FPGT: variants seen among roughly 807,000 people sequenced by gnomAD.
FPGT encodes GDP-L-fucose diphosphorylase.
FPGT carries 41 observed loss-of-function variants against 45.8 expected under a neutral mutation model. That is an observed-to-expected ratio of 0.90 (90% CI 0.70 to 1.16). The LOEUF (loss-of-function observed/expected upper bound fraction) is 1.16, where lower values mean the gene tolerates loss of function less well. Ranked by LOEUF, FPGT falls within the 50% of genes most tolerant of loss-of-function variation. The pLI is 0.00. For missense variants in FPGT, 755 were observed against 689.1 expected (o/e 1.10, Z -1.07); for synonymous variants, 292 against 247.2 (o/e 1.18, Z -1.70).
chr1:74,201,210 C>A (rs1651758908), intron 2 of FPGT, 108 bp from the exon 3 acceptor site: 3 of 800,902 alleles, frequency 3.7e-6, no homozygotes, highest in Non-Finnish European at 6.0e-6. Flanking sequence ...TTTACTTATT[C>A]CTGAAAGGCA....
rs927661458 is a variant in FPGT at position 74,206,677 on chromosome 1, T to G, written c.*845T>G. On this transcript the variant is annotated 3_prime_UTR_variant, in exon 4 of 4. Coordinates refer to ENST00000370898, the MANE Select transcript of FPGT (RefSeq NM_003838.5). The stretch of plus-strand genomic sequence containing the variant: ...AACTGACTTTAGTTTTCATCTTATT[T>G]TTTGTCCACATGCTGGTGATGCTGA... The G allele has an allele frequency of 6.6e-6, 1 of 152,074 alleles. No individual in the cohort carries two copies. The allele number at this position is 152,074 out of a possible 1,614,324, so 9.4% of individuals were successfully genotyped here.
chr1:74,203,680 C>T (rs1277301081), intron 3 of FPGT, among the ~76,000 whole-genome samples: 4 of 151,862 alleles, frequency 2.6e-5, no homozygotes, highest in Non-Finnish European at 4.4e-5. Flanking sequence ...CTTGAGCCAC[C>T]GCGCCTGGCC....
chr1:74,201,783 G>A (rs1234635855), intron 3 of FPGT, among the ~76,000 whole-genome samples: 1 of 152,102 alleles, frequency 6.6e-6, no homozygotes, highest in Non-Finnish European at 1.5e-5. Context: ...AAGTTCCAGG[G>A]TCCATGTGCA....
chr1:74,205,157 C>T lies in FPGT; in HGVS notation c.1110C>T (p.Thr370=), dbSNP rs370431745. The T allele has an allele frequency of 3.7e-5, 59 of 1,613,030 alleles. No homozygotes were observed. The highest frequency in any genetic ancestry group is 4.9e-5 in the Non-Finnish European group (58 of 1,179,236). ...GTTEEYLFYF[T]SDNSLKSELG... ...CCGAAGAATATTTGTTTTACTTTAC[C>T]TCAGATAACAGTTTAAAGTCAGAGC... The change falls in exon 4 of 4, where the codon ACC becomes ACT. Residue 370 remains threonine (T), a synonymous_variant. Coordinates refer to ENST00000370898, the MANE Select transcript of FPGT (RefSeq NM_003838.5).
At chr1:74,201,896 C>G (rs569058346) in intron 3 of FPGT, among the ~76,000 whole-genome samples, 1 of 152,270 alleles carries the variant, frequency 6.6e-6, no homozygotes, top group East Asian at 1.9e-4. Flanking sequence ...TCCTAACACT[C>G]TTTCTCCCTT....
In FPGT at chr1:74,199,939, C is replaced by T. The variant is rs1230121126; in HGVS notation, c.250+108C>T. ...ATAAGCTGCATATCTCTACCCACAG[C>T]TTTACAAACTTTAAAATTTGAACAT... On this transcript the variant is annotated intron_variant, in intron 2 of 3. Transcript: ENST00000370898. The T allele has an allele frequency of 3.4e-6, 4 of 1,192,536 alleles. No homozygotes were observed. The Admixed American group carries it at 8.6e-5, about 25-fold the overall frequency. 73.9% of individuals were successfully genotyped at this position (1,192,536 alleles called of 1,614,324 possible).
In FPGT at chr1:74,205,516, T is replaced by A. The variant is rs1411168964; in HGVS notation, c.1469T>A (p.Leu490His). 1.2e-6 allele frequency: 2 copies of A among 1,612,834 alleles called. No individual in the cohort carries two copies. Among genetic ancestry groups the A allele is most frequent in the African/African-American group, 1.3e-5 (1 of 74,918 alleles). The change falls in exon 4 of 4, where the codon CTT (leucine) becomes CAT (histidine). Residue 490 changes from leucine (L) to histidine (H), a missense_variant. Physicochemically the swap from Leu to His is moderately conservative, Grantham distance 99. Transcript: ENST00000370898. ...AAAACATTGTCAGATATAAAGTTAC[T>A]TCAATTCTTTGGAGTCTGTTTCCTG... ...SVKTLSDIKLLQFFGVCFLSC... is the reference protein window; with the variant it reads ...SVKTLSDIKLHQFFGVCFLSC...
At chr1:74,201,197 C>A in intron 2 of FPGT, 121 bp from the exon 3 acceptor site, 1 of 678,174 alleles carries the variant, frequency 1.5e-6, no homozygotes, top group Non-Finnish European at 2.5e-6. Flanking sequence ...TGATGTCCAT[C>A]TATTTACTTA....
At chr1:74,201,613 G>A (rs530499862) in intron 3 of FPGT, among the ~76,000 whole-genome samples, 7 of 152,106 alleles carry the variant, frequency 4.6e-5, no homozygotes, top group South Asian at 4.2e-4. Flanking sequence ...AATTTTACTC[G>A]TAAAATTGTA....
Position 74,198,328 on chromosome 1 carries a change from A to G in FPGT, c.50A>G (p.Gln17Arg), listed in dbSNP as rs1377563459. The stretch of plus-strand genomic sequence containing the variant: ...GAAGTATCGCTGCGAGAAGCCACCC[A>G]GCGAAAATTGCGGAGGTTTTCCGAG... ...PPEVSLREAT[Q>R]RKLRRFSELR... is the part of the protein sequence containing the mutation. Residue 17 changes from glutamine to arginine, a missense_variant, in exon 1 of 4, where the codon CAG becomes CGG. Gln to Arg is a conservative substitution (Grantham distance 43). Transcript: ENST00000370898. The G allele has an allele frequency of 6.2e-7, 1 of 1,614,068 alleles. No individual in the cohort carries two copies. The highest frequency in any genetic ancestry group is 8.5e-7 in the Non-Finnish European group (1 of 1,180,042).
Position 74,204,801 on chromosome 1 carries a change from G to T in FPGT, c.754G>T (p.Asp252Tyr). Reference sequence around the variant, plus strand: ...TAGACCTGGAAATTTTTGTCAACAGGACTTTGCTGGGGGTGACATTGCCGA... The same window carrying T: ...TAGACCTGGAAATTTTTGTCAACAGTACTTTGCTGGGGGTGACATTGCCGA... ...VCRPGNFCQQ[D>Y]FAGGDIADLK... The change falls in exon 4 of 4, where the codon GAC becomes TAC. Residue 252 changes from aspartate (D) to tyrosine (Y), a missense_variant. Transcript: ENST00000370898. The T allele has an allele frequency of 6.2e-7, 1 of 1,613,606 alleles. No individual in the cohort carries two copies. Among genetic ancestry groups the T allele is most frequent in the African/African-American group, 1.3e-5 (1 of 74,974 alleles).
chr1:74,207,700 C>T lies in FPGT; in HGVS notation c.*1868C>T, dbSNP rs1474093044. ...ATATGAAAATTAATTGTTTGGTAAACCAGAAGTGACCTGTCTGAAGCCCTC... is the reference window on the plus strand; with the variant it reads ...ATATGAAAATTAATTGTTTGGTAAATCAGAAGTGACCTGTCTGAAGCCCTC... On this transcript the variant is annotated 3_prime_UTR_variant, in exon 4 of 4. Transcript: ENST00000370898. Among the ~76,000 whole-genome samples the T allele has an allele frequency of 6.6e-6, 1 of 151,934 alleles. No individual in the cohort carries two copies. The highest frequency in any genetic ancestry group is 1.5e-5 in the Non-Finnish European group (1 of 67,914).
rs779763394 is a variant in FPGT, at chr1:74,204,651, A to G, written c.604A>G (p.Thr202Ala). Residue 202 changes from threonine to alanine, a missense_variant, in exon 4 of 4, where the codon ACA becomes GCA. Coordinates refer to ENST00000370898, the MANE Select transcript of FPGT (RefSeq NM_003838.5). ...TCCTTCTAGTTTGACGATAGGTACC[A>G]CACATGGAGTATTTGTCTTAGATCC... ...AHPSSLTIGTTHGVFVLDPFD... is the reference protein window; with the variant it reads ...AHPSSLTIGTAHGVFVLDPFD... 15 of 1,613,660 alleles carry G rather than the reference A, an allele frequency of 9.3e-6. No individual in the cohort carries two copies. The East Asian group carries it at 3.3e-4, about 36-fold the overall frequency.
In FPGT at chr1:74,199,968, T is replaced by G. The variant is rs936869212; in HGVS notation, c.250+137T>G. ...ACAAACTTTAAAATTTGAACATAAATTGACTTTTTTTAGAAAGATAAAAGG... is the reference window on the plus strand; with the variant it reads ...ACAAACTTTAAAATTTGAACATAAAGTGACTTTTTTTAGAAAGATAAAAGG... On this transcript the variant is annotated intron_variant, in intron 2 of 3. Transcript: ENST00000370898. 3.8e-6 allele frequency: 4 copies of G among 1,045,612 alleles called. No individual in the cohort carries two copies. The African/African-American group carries it at 6.5e-5, about 17-fold the overall frequency. 64.8% of individuals were successfully genotyped at this position (1,045,612 alleles called of 1,614,324 possible). A position where few individuals can be genotyped will look rare whatever the true frequency, so the allele number is the denominator to read the frequency against.
chr1:74,199,219 G>A (rs1651530350), intron 1 of FPGT, among the ~76,000 whole-genome samples: 1 of 152,092 alleles, frequency 6.6e-6, no homozygotes, highest in African/African-American at 2.4e-5. Flanking sequence ...TGAGGGAAGG[G>A]ATCTTTGGGT....
At chr1:74,200,393 G>A (rs1314485859) in intron 2 of FPGT, among the ~76,000 whole-genome samples, 1 of 151,778 alleles carries the variant, frequency 6.6e-6, no homozygotes, top group Admixed American at 6.6e-5. Flanking sequence ...CCTGATACCA[G>A]AGATAAGATA....
At chr1:74,198,839 A>T (rs1271843765) in intron 1 of FPGT, among the ~76,000 whole-genome samples, 1 of 152,188 alleles carries the variant, frequency 6.6e-6, no homozygotes, top group Admixed American at 6.5e-5. Flanking sequence ...GAAATTTGTT[A>T]TCAAAAAATT....
chr1:74,201,643 C>A (rs1439196378), intron 3 of FPGT, among the ~76,000 whole-genome samples: 5 of 151,880 alleles, frequency 3.3e-5, no homozygotes, highest in African/African-American at 4.8e-5. Context: ...TATCGTCAGT[C>A]TTTTATGAAT....
Position 74,204,379 on chromosome 1 carries a change from T to G in FPGT, c.344-12T>G. 1 of 1,523,812 alleles carries G rather than the reference T, an allele frequency of 6.6e-7. No homozygotes were observed. Among genetic ancestry groups the G allele is most frequent in the Non-Finnish European group, 8.8e-7 (1 of 1,139,416 alleles). 94.4% of individuals were successfully genotyped at this position (1,523,812 alleles called of 1,614,324 possible). A position where few individuals can be genotyped will look rare whatever the true frequency, so the allele number is the denominator to read the frequency against. The stretch of plus-strand genomic sequence containing the variant: ...TGCATTTTTAAATGGTTATTTCGTT[T>G]TAATTTTATAGGTGGCTACAGTCAA... On this transcript the variant is annotated splice_polypyrimidine_tract_variant and intron_variant, in intron 3 of 3. Coordinates refer to ENST00000370898, the MANE Select transcript of FPGT (RefSeq NM_003838.5).
Sources: gnomAD v4.1 joint callset for allele counts (sites outside exome capture counted in the v4.1 genomes callset) on GRCh38, gnomAD v4.1.1 for gene constraint, MANE v1.5 for transcripts, NCBI Gene and HGNC (gene_info 2026-07-23, HGNC 2026-07-21) for gene names.